CSGALNACT1: variants seen among roughly 807,000 people sequenced by gnomAD.
CSGALNACT1 encodes chondroitin sulfate N-acetylgalactosaminyltransferase 1, also known as beta4GalNAcT-1.
Under a neutral mutation model 51.0 loss-of-function variants are expected in CSGALNACT1, and 52 were observed. The ratio of observed to expected loss-of-function variants is 1.02; its 90% CI spans 0.82 to 1.29. The LOEUF is 1.29. Ranked by LOEUF, CSGALNACT1 falls within the 50% of genes most tolerant of loss-of-function variation. The probability of loss-of-function intolerance (pLI) is 0.00; values close to 1 mark genes in which losing one functional copy is unlikely to be tolerated. For synonymous variants in CSGALNACT1, 341 were observed against 254.4 expected, an observed-to-expected ratio of 1.34 and a Z score of -3.24; for missense variants, 935 against 679.2, an observed-to-expected ratio of 1.38 and a Z score of -4.19.
At chr8:19,756,412 G>A (rs895251678) in intron 1 of CSGALNACT1, among the ~76,000 whole-genome samples, 2 of 152,162 alleles carry the variant, frequency 1.3e-5, no homozygotes, top group African/African-American at 2.4e-5. Context: ...TGTTTTGGCA[G>A]GCACAGTGCT....
Position 19,642,233 on chromosome 8 carries a change from A to G in CSGALNACT1, c.-544+40240T>C, listed in dbSNP as rs1430164377. Among the ~76,000 whole-genome samples the G allele has an allele frequency of 3.3e-5, 5 of 152,222 alleles. No individual in the cohort carries two copies. The South Asian group carries it at 1.0e-3, about 31-fold the overall frequency. ...TTGCTGTAGGAAGGGTAGAGATCAG[A>G]GAAGACAGAAGAGAATGAATCTTGC... On this transcript the variant is annotated intron_variant, in intron 1 of 9. Transcript: ENST00000332246.
In CSGALNACT1 at chr8:19,525,615, C is replaced by CAAAAAAAAA; in HGVS notation, c.-296-19494_-296-19486dup. 2.8e-3 allele frequency among the ~76,000 whole-genome samples: 58 copies of CAAAAAAAAA among 20,390 alleles called. 9 individuals are homozygous for CAAAAAAAAA. The highest frequency in any genetic ancestry group is 4.8e-3 in the African/African-American group (29 of 6,100). 13.4% of individuals were successfully genotyped at this position (20,390 alleles called of 152,430 possible). A position where few individuals can be genotyped will look rare whatever the true frequency, so the allele number is the denominator to read the frequency against. ...CTGGCTGACAGAGGGAAACTTGTCC[C>CAAAAAAAAA]AAAAAAAAAAAAAAAAAAAAAAAAA... On this transcript the variant is annotated intron_variant, in intron 3 of 9. Transcript: ENST00000454498.
chr8:19,738,922 T>C (rs1250587475), intron 1 of CSGALNACT1, among the ~76,000 whole-genome samples: 1 of 152,130 alleles, frequency 6.6e-6, no homozygotes, highest in Non-Finnish European at 1.5e-5. Context: ...GGACTTTCAA[T>C]TACAAGAGAC....
intron 1 of CSGALNACT1, among the ~76,000 whole-genome samples, chr8:19,617,096 T>C (rs1471878393): frequency 6.6e-6 from 1 of 152,224 alleles, no homozygotes; most frequent in Non-Finnish European, 1.5e-5. Context: ...TGAGAGACAA[T>C]GACAGATCAT....
At chr8:19,734,438 A>C (rs1013212490) in intron 1 of CSGALNACT1, among the ~76,000 whole-genome samples, 4 of 152,228 alleles carry the variant, frequency 2.6e-5, no homozygotes, top group African/African-American at 9.6e-5. Flanking sequence ...ATGCCCAGCC[A>C]TGACTAATCA....
At chr8:19,731,455 C>A (rs890699762) in intron 1 of CSGALNACT1, among the ~76,000 whole-genome samples, 10 of 152,114 alleles carry the variant, frequency 6.6e-5, no homozygotes, top group African/African-American at 1.9e-4. Context: ...GTGCAGTGAG[C>A]CGAGATTACA....
chr8:19,607,481 A>T (rs181200979), upstream of CSGALNACT1, among the ~76,000 whole-genome samples: 1 of 152,196 alleles, frequency 6.6e-6, no homozygotes, highest in African/African-American at 2.4e-5. Flanking sequence ...TCCGTAAAAG[A>T]GCTATTTTCC....
At chr8:19,732,305 A>G (rs776489131) in intron 1 of CSGALNACT1, among the ~76,000 whole-genome samples, 4 of 152,386 alleles carry the variant, frequency 2.6e-5, no homozygotes, top group Non-Finnish European at 4.4e-5. Context: ...GCTTCTTAAC[A>G]GTATTTCTAC....
intron 1 of CSGALNACT1, among the ~76,000 whole-genome samples, chr8:19,612,383 G>C (rs573754184): frequency 6.6e-6 from 1 of 150,758 alleles, no homozygotes; most frequent in African/African-American, 2.4e-5. Flanking sequence ...CTCCATGAAC[G>C]TAATACATTT....
intron 4 of CSGALNACT1, among the ~76,000 whole-genome samples, chr8:19,479,005 G>A (rs1157872247): frequency 1.3e-5 from 2 of 152,154 alleles, no homozygotes; most frequent in Non-Finnish European, 2.9e-5. Context: ...ACTGGAGAGT[G>A]ACTTATTTGA....
At chr8:19,641,029 C>G (rs1044236044) in intron 1 of CSGALNACT1, among the ~76,000 whole-genome samples, 8 of 150,642 alleles carry the variant, frequency 5.3e-5, no homozygotes, top group African/African-American at 1.9e-4. Flanking sequence ...AAAGCAGGAT[C>G]ATTTTGTAAT....
chr8:19,407,330 G>C (rs768390651), intron 9 of CSGALNACT1, among the ~76,000 whole-genome samples: 25 of 152,172 alleles, frequency 1.6e-4, no homozygotes, highest in Non-Finnish European at 2.4e-4. Context: ...TTGGACCTGA[G>C]GGGGAGGTGC....
intron 1 of CSGALNACT1, among the ~76,000 whole-genome samples, chr8:19,691,396 C>T (rs2061313234): frequency 6.6e-6 from 1 of 152,156 alleles, no homozygotes; most frequent in African/African-American, 2.4e-5. Flanking sequence ...GGGAAAATAC[C>T]ACTAATCAAA....
At chr8:19,445,475 T>C (rs1045704228) in intron 5 of CSGALNACT1, among the ~76,000 whole-genome samples, 1 of 152,170 alleles carries the variant, frequency 6.6e-6, no homozygotes, top group African/African-American at 2.4e-5. Context: ...TGTGACTAGG[T>C]GAGGCGTCTT....
intron 4 of CSGALNACT1, among the ~76,000 whole-genome samples, chr8:19,477,159 A>C (rs1410619780): frequency 6.6e-6 from 1 of 152,254 alleles, no homozygotes; most frequent in Non-Finnish European, 1.5e-5. Context: ...CTGTCCATCA[A>C]GAGCAGATGC....
chr8:19,424,983 T>G (rs1458450351), intron 6 of CSGALNACT1, among the ~76,000 whole-genome samples: 1 of 152,008 alleles, frequency 6.6e-6, no homozygotes, highest in Admixed American at 6.5e-5. Flanking sequence ...GAAAGAAAAA[T>G]AGAATCTCAG....
intron 1 of CSGALNACT1, among the ~76,000 whole-genome samples, chr8:19,653,259 A>G (rs187906454): frequency 6.6e-6 from 1 of 152,114 alleles, no homozygotes; most frequent in African/African-American, 2.4e-5. Context: ...CAGTTCTCCT[A>G]TCCTTCTAAG....
chr8:19,501,727 T>C (rs1181595305), intron 4 of CSGALNACT1, among the ~76,000 whole-genome samples: 1 of 152,228 alleles, frequency 6.6e-6, no homozygotes, highest in East Asian at 1.9e-4. Context: ...AAGGGATCTA[T>C]TTAAAAACAG....
Position 19,523,537 on chromosome 8 carries a change from TGA to T in CSGALNACT1, c.-296-17409_-296-17408del, listed in dbSNP as rs564051501. Among the ~76,000 whole-genome samples, 317 of 152,144 alleles carry T rather than the reference TGA, an allele frequency of 2.1e-3. 3 individuals carry two copies. Among genetic ancestry groups the T allele is most frequent in the African/African-American group, 7.4e-3 (307 of 41,490 alleles). On this transcript the variant is annotated intron_variant, in intron 3 of 9. Transcript: ENST00000454498. ...CACCCACCTTGGCCTCCCAAAGTGG[TGA>T]GATTACAGGCAGGAGCCACCACGCC...
Sources: gnomAD v4.1 joint callset for allele counts (sites outside exome capture counted in the v4.1 genomes callset) on GRCh38, gnomAD v4.1.1 for gene constraint, MANE v1.5 for transcripts, NCBI Gene and HGNC (gene_info 2026-07-23, HGNC 2026-07-21) for gene names.